PHF24: variants seen among roughly 807,000 people sequenced by gnomAD.
PHF24 encodes the protein PHD finger protein 24, also known as Galpha inhibitory interacting protein.
PHF24 carries 25 observed loss-of-function variants against 42.6 expected under a neutral mutation model. The ratio of observed to expected loss-of-function variants is 0.59; its 90% CI spans 0.43 to 0.82. The LOEUF (loss-of-function observed/expected upper bound fraction) is 0.82. PHF24 is among the 40% of genes least tolerant of loss of function. The pLI is 0.00. For synonymous variants in PHF24, 185 were observed against 204.8 expected, an observed-to-expected ratio of 0.90 and a Z score of 0.83; for missense variants, 470 against 538.1, an observed-to-expected ratio of 0.87 and a Z score of 1.25.
At chr9:34,930,879 C>T in the PHF24 span, among the ~76,000 whole-genome samples, 1 of 152,082 alleles carries the variant, frequency 6.6e-6, no homozygotes, top group Non-Finnish European at 1.5e-5. Context: ...CATATGTAGG[C>T]GATATGGTCT....
At chr9:34,959,583 A>T (rs1368579841) in intron 1 of PHF24, among the ~76,000 whole-genome samples, 1 of 152,224 alleles carries the variant, frequency 6.6e-6, no homozygotes, top group Non-Finnish European at 1.5e-5. Context: ...CAAGCTCAGT[A>T]AATGTGATGA....
chr9:34,886,308 A>G, the PHF24 span, among the ~76,000 whole-genome samples: 1 of 150,882 alleles, frequency 6.6e-6, no homozygotes, highest in Non-Finnish European at 1.5e-5. Flanking sequence ...CTTCACCTCT[A>G]TGAAACAAAA....
the PHF24 span, among the ~76,000 whole-genome samples, chr9:34,863,875 G>A: frequency 6.6e-6 from 1 of 152,198 alleles, no homozygotes; most frequent in Non-Finnish European, 1.5e-5. Flanking sequence ...TAGCTGTTTT[G>A]AGGAAACTCA....
the PHF24 span, among the ~76,000 whole-genome samples, chr9:34,734,484 G>A: frequency 6.6e-6 from 1 of 152,198 alleles, no homozygotes. Flanking sequence ...GAGGGGAAAG[G>A]CACCAAGCCC....
the PHF24 span, among the ~76,000 whole-genome samples, chr9:34,781,624 A>G: frequency 6.6e-6 from 1 of 152,212 alleles, no homozygotes; most frequent in South Asian, 2.1e-4. Flanking sequence ...CATCACCACA[A>G]CTTAAAATAA....
At chr9:34,941,382 TC>T in the PHF24 span, among the ~76,000 whole-genome samples, 2 of 152,174 alleles carry the variant, frequency 1.3e-5, no homozygotes, top group African/African-American at 4.8e-5. Context: ...GAAGTGGGTC[TC>T]ATGTCTGGAT....
At chr9:34,883,466 C>A in the PHF24 span, among the ~76,000 whole-genome samples, 2 of 152,224 alleles carry the variant, frequency 1.3e-5, no homozygotes, top group Non-Finnish European at 2.9e-5. Flanking sequence ...GTCTACCCAT[C>A]TGACAAAGGG....
chr9:34,722,313 A>G, the PHF24 span, among the ~76,000 whole-genome samples: 3 of 152,184 alleles, frequency 2.0e-5, no homozygotes, highest in African/African-American at 7.2e-5. Flanking sequence ...CAAGGATAAC[A>G]CCATTGTTTT....
At chr9:34,671,548 A>G in the PHF24 span, among the ~76,000 whole-genome samples, 1 of 152,132 alleles carries the variant, frequency 6.6e-6, no homozygotes, top group East Asian at 1.9e-4. Flanking sequence ...TAAAACATTG[A>G]AGGATATTGT....
the PHF24 span, among the ~76,000 whole-genome samples, chr9:34,865,237 G>T: frequency 3.3e-5 from 5 of 150,924 alleles, no homozygotes; most frequent in African/African-American, 1.2e-4. Context: ...GTTGTTATCA[G>T]CTTAAAATGA....
chr9:34,767,324 A>C, the PHF24 span, among the ~76,000 whole-genome samples: 1 of 152,346 alleles, frequency 6.6e-6, no homozygotes, highest in Admixed American at 6.5e-5. Context: ...CCACAGAGGC[A>C]TGCAGGCCTC....
chr9:34,835,998 G>A, the PHF24 span: 2 of 685,164 alleles, frequency 2.9e-6, no homozygotes, highest in African/African-American at 1.8e-5. Context: ...TTTGGCAACA[G>A]GGATCTGTAC....
chr9:34,737,601 T>C, the PHF24 span, among the ~76,000 whole-genome samples: 1 of 152,200 alleles, frequency 6.6e-6, no homozygotes, highest in Admixed American at 6.5e-5. Flanking sequence ...TTTAACTTTT[T>C]GAGGACCTAT....
the PHF24 span, chr9:34,834,895 A>G: frequency 1.4e-6 from 2 of 1,408,798 alleles, no homozygotes; most frequent in South Asian, 1.4e-5. Flanking sequence ...CATTGAAGAG[A>G]AAAGGATCCT....
At chr9:34,911,496 C>T in the PHF24 span, among the ~76,000 whole-genome samples, 1 of 152,158 alleles carries the variant, frequency 6.6e-6, no homozygotes, top group Non-Finnish European at 1.5e-5. Context: ...TCGTGATCCA[C>T]CCGCCTCAGC....
At chr9:34,969,369 C>T (rs1276422347) in intron 1 of PHF24, among the ~76,000 whole-genome samples, 2 of 152,170 alleles carry the variant, frequency 1.3e-5, no homozygotes, top group Non-Finnish European at 2.9e-5. Flanking sequence ...TCGCCAGGCA[C>T]GGTGGCTCAC....
chr9:34,689,377 C>A, the PHF24 span, among the ~76,000 whole-genome samples: 2 of 152,140 alleles, frequency 1.3e-5, no homozygotes, highest in South Asian at 4.1e-4. The surrounding 1 kb of genome is among the most constrained non-coding windows in gnomAD (Gnocchi z 4.1). Flanking sequence ...AGCAAGGAGA[C>A]CCCCTAGGCC....
At chr9:34,889,239 G>C in the PHF24 span, 1 of 398,670 alleles carries the variant, frequency 2.5e-6, no homozygotes, top group Non-Finnish European at 4.4e-6. Context: ...AGGTGAGTTA[G>C]ACCTGGGATA....
At chr9:34,795,532 T>C in the PHF24 span, among the ~76,000 whole-genome samples, 102 of 152,202 alleles carry the variant, frequency 6.7e-4, no homozygotes, top group Middle Eastern at 3.4e-3. Flanking sequence ...ACAAGAGAAA[T>C]GGTAAAATTC....
Sources: allele counts gnomAD v4.1 joint callset (sites outside exome capture counted in the v4.1 genomes callset), GRCh38; gene constraint gnomAD v4.1.1; non-coding constraint Gnocchi (gnomAD v3.1); transcripts MANE v1.5; gene names NCBI Gene and HGNC (gene_info 2026-07-23, HGNC 2026-07-21).